CSMD1: variants seen among roughly 807,000 people sequenced by gnomAD.
CSMD1 encodes CUB and Sushi multiple domains 1.
A neutral mutation model predicts 417.5 loss-of-function variants in CSMD1; 213 were observed. The observed-to-expected ratio is 0.51, with a 90% CI of 0.46 to 0.57. The LOEUF (loss-of-function observed/expected upper bound fraction) is 0.57. Ranked by LOEUF, CSMD1 falls within the 20% of genes least tolerant of loss-of-function variation. The pLI is 0.00. For missense variants in CSMD1, 6,923 were observed against 4,529.7 expected (o/e 1.53, Z -15.17); for synonymous variants, 2,862 against 1,736.8 (o/e 1.65, Z -16.11).
intron 3 of CSMD1, among the ~76,000 whole-genome samples, chr8:4,161,144 A>G (rs1437772603): frequency 6.6e-6 from 1 of 152,100 alleles, no homozygotes; most frequent in Non-Finnish European, 1.5e-5. Flanking sequence ...GTCATGTCTT[A>G]AGACATGATA....
chr8:4,917,362 C>G (rs921119978), intron 1 of CSMD1, among the ~76,000 whole-genome samples: 2 of 152,162 alleles, frequency 1.3e-5, no homozygotes, highest in Non-Finnish European at 2.9e-5. Flanking sequence ...GGGCAGGGTG[C>G]GGCGGCTCAC....
At chr8:4,265,259 G>T (rs1441125609) in intron 3 of CSMD1, among the ~76,000 whole-genome samples, 1 of 151,892 alleles carries the variant, frequency 6.6e-6, no homozygotes, top group African/African-American at 2.4e-5. Flanking sequence ...TATATTTTAT[G>T]GAATAGCAAA....
intron 39 of CSMD1, among the ~76,000 whole-genome samples, chr8:3,155,275 T>C (rs986455891): frequency 2.6e-5 from 4 of 151,704 alleles, no homozygotes; most frequent in South Asian, 2.1e-4. Context: ...AATAGGCAGA[T>C]TGATGTTCTG....
chr8:3,241,456 G>A (rs531623835), intron 26 of CSMD1, among the ~76,000 whole-genome samples: 13 of 152,264 alleles, frequency 8.5e-5, no homozygotes, highest in African/African-American at 2.4e-4. Flanking sequence ...CAGGGCTTCC[G>A]AGGTGATCTG....
At chr8:4,068,301 G>C (rs776157516) in intron 3 of CSMD1, among the ~76,000 whole-genome samples, 1 of 152,178 alleles carries the variant, frequency 6.6e-6, no homozygotes, top group Admixed American at 6.5e-5. Context: ...CTGGAGGACA[G>C]TGTATTGCGG....
chr8:3,829,003 T>C lies in CSMD1; in HGVS notation c.819-74961A>G, dbSNP rs571211789. Among the ~76,000 whole-genome samples the C allele has an allele frequency of 1.1e-4, 17 of 152,292 alleles. No homozygotes were observed. The East Asian group carries it at 3.3e-3, about 29-fold the overall frequency. On this transcript the variant is annotated intron_variant, in intron 5 of 69. Coordinates refer to ENST00000635120, the MANE Select transcript of CSMD1 (RefSeq NM_033225.6). ...GTTTTTACCCCAGCTGTTTCCTCTG[T>C]CTACAATCACCTTTCTTTTTTTTTA... is the stretch of plus-strand genomic sequence containing the variant.
chr8:3,369,491 GA>G (rs1451386951), intron 18 of CSMD1, 121 bp from the exon 19 acceptor site: 2 of 603,090 alleles, frequency 3.3e-6, no homozygotes, highest in African/African-American at 1.9e-5. Context: ...TCATATCCAA[GA>G]AAAACCAAGC....
At chr8:4,027,422 A>T (rs1232824154) in intron 4 of CSMD1, among the ~76,000 whole-genome samples, 1 of 152,066 alleles carries the variant, frequency 6.6e-6, no homozygotes, top group African/African-American at 2.4e-5. Flanking sequence ...GTGGGAGGTG[A>T]TTAGATCATG....
chr8:3,197,034 G>T lies in CSMD1; in HGVS notation c.5194+2680C>A, dbSNP rs923302457. On this transcript the variant is annotated intron_variant, in intron 33 of 69. Transcript: ENST00000635120. ...TCCAAATGTACCCTTCTGCTCTCAA[G>T]AAGTGTGGAAAACACACAAAAACCC... Among the ~76,000 whole-genome samples, 4 of 152,136 alleles carry T rather than the reference G, an allele frequency of 2.6e-5. No homozygotes were observed. The East Asian group carries it at 5.8e-4, about 22-fold the overall frequency.
intron 5 of CSMD1, among the ~76,000 whole-genome samples, chr8:3,815,903 T>C (rs527528053): frequency 5.3e-5 from 8 of 152,060 alleles, no homozygotes; most frequent in African/African-American, 1.7e-4. Context: ...TCATCAAGAG[T>C]AAATAGAAAG....
At chr8:4,784,603 A>C (rs10111469) in intron 1 of CSMD1, among the ~76,000 whole-genome samples, 14,759 of 152,162 alleles carry the variant, frequency 0.097, 836 homozygotes, top group East Asian at 0.28. Flanking sequence ...CTTACTGTTA[A>C]ATTTCTTTTT....
chr8:3,212,042 G>C (rs1797643060), intron 30 of CSMD1, among the ~76,000 whole-genome samples: 1 of 152,138 alleles, frequency 6.6e-6, no homozygotes, highest in Non-Finnish European at 1.5e-5. Flanking sequence ...TCTCCGTCCT[G>C]TTTTGGGGGC....
chr8:3,230,339 G>T (rs1450887571), intron 26 of CSMD1, 108 bp from the exon 27 acceptor site: 3 of 797,876 alleles, frequency 3.8e-6, no homozygotes, highest in Non-Finnish European at 5.7e-6. Flanking sequence ...GGCCTAATAA[G>T]TCATTTGTCT....
intron 28 of CSMD1, among the ~76,000 whole-genome samples, chr8:3,220,890 C>T (rs772869215): frequency 6.6e-6 from 1 of 152,098 alleles, no homozygotes; most frequent in Non-Finnish European, 1.5e-5. Flanking sequence ...TGCAGCTGCC[C>T]CTTCCCTCTT....
intron 2 of CSMD1, among the ~76,000 whole-genome samples, chr8:4,606,685 A>C (rs184338804): frequency 1.2e-3 from 188 of 152,336 alleles, no homozygotes; most frequent in African/African-American, 4.3e-3. Context: ...TGACTTCTGT[A>C]CATAATATTG....
chr8:4,914,804 C>G (rs931450915), intron 1 of CSMD1, among the ~76,000 whole-genome samples: 1 of 152,106 alleles, frequency 6.6e-6, no homozygotes, highest in African/African-American at 2.4e-5. Flanking sequence ...CAATGTAAGA[C>G]AAAGCTGTGG....
At chr8:3,922,158 CTAA>C (rs1584969667) in intron 5 of CSMD1, among the ~76,000 whole-genome samples, 3 of 151,812 alleles carry the variant, frequency 2.0e-5, no homozygotes, top group Non-Finnish European at 4.4e-5. Context: ...CCGTTTTTGC[CTAA>C]TGTCTATTTT....
At position 3,055,219 on chromosome 8, in the gene CSMD1, T is replaced by C. The variant is rs897665920; in HGVS notation, c.7475-2572A>G. ...ATACTCGGGAGACCAAAGCAGAAGA[T>C]CTTTATAGCCCCTTCTGTTACATCT... is the stretch of plus-strand genomic sequence containing the variant. On this transcript the variant is annotated intron_variant, in intron 49 of 69. Coordinates refer to ENST00000635120, the MANE Select transcript of CSMD1 (RefSeq NM_033225.6). 3.9e-5 allele frequency among the ~76,000 whole-genome samples: 6 copies of C among 152,238 alleles called. No individual in the cohort carries two copies. The South Asian group carries it at 6.2e-4, about 16-fold the overall frequency.
rs1452975355 is a variant in CSMD1 at position 3,772,405 on chromosome 8, A to ACATT, written c.819-18364_819-18363insAATG. ...CATATATTTATATATACACATATATACATATATTTATATATACACATATAT... is the reference window on the plus strand; with the variant it reads ...CATATATTTATATATACACATATATACATTCATATATTTATATATACACATATAT... On this transcript the variant is annotated intron_variant, in intron 5 of 69. Transcript: ENST00000635120. Among the ~76,000 whole-genome samples, 104 of 58,376 alleles carry ACATT rather than the reference A, an allele frequency of 1.8e-3. 12 individuals are homozygous for ACATT. The highest frequency in any genetic ancestry group is 0.011 in the Middle Eastern group (1 of 90). The allele number at this position is 58,376 out of a possible 152,430, so 38.3% of individuals were successfully genotyped here.
Sources: gnomAD v4.1 joint callset for allele counts (sites outside exome capture counted in the v4.1 genomes callset) on GRCh38, gnomAD v4.1.1 for gene constraint, MANE v1.5 for transcripts, NCBI Gene and HGNC (gene_info 2026-07-23, HGNC 2026-07-21) for gene names.